The following RORA variants were observed in gnomAD, a reference collection of about 807,000 sequenced individuals.
RORA encodes nuclear receptor ROR-alpha.
Under a neutral mutation model 69.5 loss-of-function variants are expected in RORA, and 7 were observed. The observed-to-expected ratio is 0.10, with a 90% confidence interval of 0.06 to 0.19. RORA has a LOEUF of 0.19. RORA is among the 10% of genes least tolerant of loss of function. RORA has a pLI of 1.00. For missense variants in RORA, 457 were observed against 663.0 expected (o/e 0.69, Z 3.41); for synonymous variants, 261 against 240.8 (o/e 1.08, Z -0.78).
chr15:60,696,889 A>G (rs1327884837), intron 1 of RORA, among the ~76,000 whole-genome samples: 6 of 152,242 alleles, frequency 3.9e-5, no homozygotes, highest in African/African-American at 1.4e-4. Flanking sequence ...ATATAGCCTT[A>G]GAGGCATTTA....
chr15:60,554,023 G>A (rs942023008), intron 2 of RORA, among the ~76,000 whole-genome samples: 2 of 152,028 alleles, frequency 1.3e-5, no homozygotes, highest in African/African-American at 4.8e-5. Context: ...CCTGTCTTTT[G>A]TAAGTTTATT....
chr15:60,713,717 C>T (rs2071177713), intron 1 of RORA, among the ~76,000 whole-genome samples: 1 of 152,176 alleles, frequency 6.6e-6, no homozygotes, highest in African/African-American at 2.4e-5. Context: ...AAGTGAACGT[C>T]TCCATGCCAC....
intron 1 of RORA, among the ~76,000 whole-genome samples, chr15:60,887,113 T>C (rs940962621): frequency 6.6e-6 from 1 of 151,802 alleles, no homozygotes; most frequent in East Asian, 1.9e-4. Flanking sequence ...GGTTTCTTTG[T>C]CAGCAAGATA....
At position 60,906,610 on chromosome 15, in the gene RORA, T is replaced by G. The variant is rs142608689; in HGVS notation, c.167-227924A>C. 3.7e-4 allele frequency among the ~76,000 whole-genome samples: 57 copies of G among 152,298 alleles called. 1 individual carries two copies. The East Asian group carries it at 9.9e-3, about 26-fold the overall frequency. On this transcript the variant is annotated intron_variant, in intron 1 of 10. Coordinates refer to ENST00000335670, the MANE Select transcript of RORA (RefSeq NM_134261.3). ...GCCCTCTGTGGTCTCTTTGGCCGTG[T>G]CAGAAATAGCCAGACTGTATCAGAG...
intron 1 of RORA, among the ~76,000 whole-genome samples, chr15:60,760,766 C>T (rs1028004676): frequency 2.6e-5 from 4 of 152,044 alleles, no homozygotes; most frequent in African/African-American, 9.7e-5. Flanking sequence ...GGCAGCAAGT[C>T]GTGTGATCCA....
chr15:60,666,292 C>T (rs577680728), intron 2 of RORA, among the ~76,000 whole-genome samples: 1 of 151,652 alleles, frequency 6.6e-6, no homozygotes, highest in South Asian at 2.1e-4. Context: ...CTCAGTCTCC[C>T]AAGTAGCTGG....
chr15:60,832,162 G>C (rs1595750699), intron 1 of RORA, among the ~76,000 whole-genome samples: 1 of 152,156 alleles, frequency 6.6e-6, no homozygotes, highest in Non-Finnish European at 1.5e-5. Flanking sequence ...TTGCAGCTTA[G>C]TGCAACTTGG....
chr15:61,218,674 T>TCTCA lies in RORA; in HGVS notation c.166+10378_166+10379insTGAG, dbSNP rs141433115. On this transcript the variant is annotated intron_variant, in intron 1 of 10. Transcript: ENST00000335670. ...GTCCAAGTTAATTTACTAATATAACTCACACACACACACACACACACACAC... is the reference window on the plus strand; with the variant it reads ...GTCCAAGTTAATTTACTAATATAACTCTCACACACACACACACACACACACACAC... 2.0e-3 allele frequency among the ~76,000 whole-genome samples: 285 copies of TCTCA among 142,942 alleles called. 1 individual carries two copies. Among genetic ancestry groups the TCTCA allele is most frequent in the African/African-American group, 6.8e-3 (265 of 38,784 alleles). The allele number at this position is 142,942 out of a possible 152,430, so 93.8% of individuals were successfully genotyped here. A position where few individuals can be genotyped will look rare whatever the true frequency, so the allele number is the denominator to read the frequency against.
At chr15:60,623,784 G>C (rs2069484644) in intron 2 of RORA, among the ~76,000 whole-genome samples, 1 of 152,098 alleles carries the variant, frequency 6.6e-6, no homozygotes, top group South Asian at 2.1e-4. Flanking sequence ...GTGTTATTTA[G>C]GTATTAAATA....
intron 1 of RORA, among the ~76,000 whole-genome samples, chr15:60,867,671 T>C (rs1435870091): frequency 6.6e-6 from 1 of 152,172 alleles, no homozygotes; most frequent in Non-Finnish European, 1.5e-5. Context: ...AAATAATTAA[T>C]ATGTACTCTA....
rs778106888 is a variant in RORA, at chr15:61,147,245, C to T, written c.166+81808G>A. On this transcript the variant is annotated intron_variant, in intron 1 of 10. Transcript: ENST00000335670. This position sits in a 1 kb window ranked among gnomAD's most constrained non-coding sequence, Gnocchi z 4.1. ...GGTCGTTTCCACCACCCAAGAGAAC[C>T]GTAAAGGTGGAAAGGGGCATTAAAG... Among the ~76,000 whole-genome samples, 4 of 152,252 alleles carry T rather than the reference C, an allele frequency of 2.6e-5. No homozygotes were observed. Among genetic ancestry groups the T allele is most frequent in the African/African-American group, 4.8e-5 (2 of 41,550 alleles).
At chr15:60,972,660 G>A (rs1220544300) in intron 1 of RORA, among the ~76,000 whole-genome samples, 1 of 152,136 alleles carries the variant, frequency 6.6e-6, no homozygotes. Flanking sequence ...TTTAAATGCT[G>A]CTCCAATGCT....
At chr15:61,153,127 G>A (rs1364985479) in intron 1 of RORA, among the ~76,000 whole-genome samples, 5 of 152,154 alleles carry the variant, frequency 3.3e-5, no homozygotes, top group Admixed American at 1.3e-4. Context: ...ACATCCACAA[G>A]AAGCCCTGGA....
At chr15:60,926,918 GT>G (rs1227474567) in intron 1 of RORA, among the ~76,000 whole-genome samples, 2 of 152,214 alleles carry the variant, frequency 1.3e-5, no homozygotes, top group Non-Finnish European at 2.9e-5. Context: ...CCTCATGGAA[GT>G]TTTAATTTAC....
intron 2 of RORA, among the ~76,000 whole-genome samples, chr15:60,540,572 C>T (rs1567071363): frequency 1.5e-5 from 1 of 66,664 alleles, no homozygotes; most frequent in Non-Finnish European, 4.0e-5. Flanking sequence ...TGACCCCCCC[C>T]CCCCAAAACT....
intron 1 of RORA, among the ~76,000 whole-genome samples, chr15:61,125,442 G>T (rs1445476387): frequency 1.3e-5 from 2 of 152,146 alleles, no homozygotes; most frequent in Non-Finnish European, 2.9e-5. Context: ...CCGACAAAAA[G>T]AGCACAGTGG....
chr15:61,005,563 T>C (rs998132317), intron 1 of RORA, among the ~76,000 whole-genome samples: 16 of 149,406 alleles, frequency 1.1e-4, no homozygotes, highest in African/African-American at 2.9e-4. Flanking sequence ...AAAAATGAAA[T>C]CTGAAAGCTT....
At chr15:60,883,177 AGAG>A (rs1173553427) in intron 1 of RORA, among the ~76,000 whole-genome samples, 73 of 132,606 alleles carry the variant, frequency 5.5e-4, no homozygotes, top group African/African-American at 1.6e-3. Context: ...AGAGAGAGAG[AGAG>A]AGAAAGAAAG....
intron 1 of RORA, among the ~76,000 whole-genome samples, chr15:61,042,444 C>G (rs1047435308): frequency 2.0e-5 from 3 of 152,158 alleles, no homozygotes; most frequent in Non-Finnish European, 2.9e-5. Flanking sequence ...CTTTCAGACA[C>G]ATTCTGATAC....
Sources: gnomAD v4.1 joint callset for allele counts (sites outside exome capture counted in the v4.1 genomes callset) on GRCh38, gnomAD v4.1.1 for gene constraint, Gnocchi (gnomAD v3.1) non-coding constraint, MANE v1.5 for transcripts, NCBI Gene and HGNC (gene_info 2026-07-23, HGNC 2026-07-21) for gene names.